NMNAT2: variants seen among roughly 807,000 people sequenced by gnomAD.
NMNAT2 encodes nicotinamide/nicotinic acid mononucleotide adenylyltransferase 2.
A neutral mutation model predicts 41.6 loss-of-function variants in NMNAT2; 11 were observed. That is an observed-to-expected ratio of 0.26 (90% CI 0.17 to 0.44). The LOEUF is 0.44. Among genes scored for constraint, NMNAT2 ranks in the 20% least tolerant of loss-of-function variants. The pLI is 1.00. For synonymous variants in NMNAT2, 148 were observed against 151.2 expected (o/e 0.98, Z 0.16); for missense variants, 288 against 407.7 (o/e 0.71, Z 2.53).
chr1:183,384,246 G>T (rs892676088), intron 1 of NMNAT2, among the ~76,000 whole-genome samples: 2 of 151,994 alleles, frequency 1.3e-5, no homozygotes, highest in African/African-American at 4.8e-5. Context: ...TGTCACCCAG[G>T]ATGGAGAGCA....
intron 1 of NMNAT2, among the ~76,000 whole-genome samples, chr1:183,399,596 G>A (rs1648753213): frequency 6.6e-6 from 1 of 152,144 alleles, no homozygotes; most frequent in Non-Finnish European, 1.5e-5. Context: ...AAGCCTGGCA[G>A]AGACACAATA....
chr1:183,298,657 A>G (rs1483280346), intron 1 of NMNAT2, among the ~76,000 whole-genome samples: 1 of 152,222 alleles, frequency 6.6e-6, no homozygotes, highest in Non-Finnish European at 1.5e-5. Flanking sequence ...GAACACAGGA[A>G]CATATATTTG....
At chr1:183,392,542 T>C (rs1250049184) in intron 1 of NMNAT2, among the ~76,000 whole-genome samples, 2 of 152,224 alleles carry the variant, frequency 1.3e-5, no homozygotes, top group Admixed American at 6.5e-5. Flanking sequence ...AATGGCTCCC[T>C]TTCTCCATTG....
rs542155600 is a variant in NMNAT2, at chr1:183,257,597, C to G, written c.821+3405G>C. ...TCAGGCTATTCCTGATTCAATCTTGCCAGATTATCTTTTTAAAGGAATTTA... is the reference window on the plus strand; with the variant it reads ...TCAGGCTATTCCTGATTCAATCTTGGCAGATTATCTTTTTAAAGGAATTTA... On this transcript the variant is annotated intron_variant, in intron 10 of 10. Transcript: ENST00000287713. 5.5e-4 allele frequency among the ~76,000 whole-genome samples: 83 copies of G among 152,218 alleles called. 1 individual carries two copies. Among genetic ancestry groups the G allele is most frequent in the South Asian group, 3.3e-3 (16 of 4,830 alleles).
chr1:183,258,625 G>T (rs549382436), intron 10 of NMNAT2, among the ~76,000 whole-genome samples: 1 of 152,268 alleles, frequency 6.6e-6, no homozygotes, highest in Admixed American at 6.5e-5. Context: ...TTAGCCACAA[G>T]GTTAGAAATT....
At chr1:183,259,020 A>T (rs890737322) in intron 10 of NMNAT2, among the ~76,000 whole-genome samples, 5 of 152,174 alleles carry the variant, frequency 3.3e-5, no homozygotes, top group African/African-American at 1.2e-4. Context: ...CCCTGTCTTG[A>T]TGAATCTGCT....
intron 1 of NMNAT2, among the ~76,000 whole-genome samples, chr1:183,369,494 G>C (rs774076913): frequency 6.6e-6 from 1 of 151,912 alleles, no homozygotes; most frequent in Admixed American, 6.6e-5. Flanking sequence ...AGCCAGGATG[G>C]TCTCGATCTC....
intron 1 of NMNAT2, among the ~76,000 whole-genome samples, chr1:183,404,265 A>T (rs1281745289): frequency 6.6e-6 from 1 of 151,870 alleles, no homozygotes; most frequent in Non-Finnish European, 1.5e-5. Flanking sequence ...TAATTTTTGT[A>T]TTTTAGTAGA....
intron 7 of NMNAT2, 146 bp downstream of exon 7, chr1:183,283,849 G>T: frequency 1.3e-6 from 1 of 763,580 alleles, no homozygotes; most frequent in Non-Finnish European, 2.3e-6. Flanking sequence ...TGCAATCTTA[G>T]CCTGGGAACG....
chr1:183,418,062 A>G (rs1247320296), intron 1 of NMNAT2, 121 bp downstream of exon 1: 2 of 886,990 alleles, frequency 2.3e-6, no homozygotes, highest in African/African-American at 3.3e-5. Context: ...CACCAGCTGG[A>G]TGAGCCGGCC....
At chr1:183,261,968 C>T (rs1660670629) in intron 8 of NMNAT2, among the ~76,000 whole-genome samples, 2 of 151,924 alleles carry the variant, frequency 1.3e-5, no homozygotes, top group African/African-American at 4.8e-5. Context: ...GTCTGTCACC[C>T]AGGCTGGAGT....
chr1:183,259,519 T>C (rs1660603226), intron 10 of NMNAT2, among the ~76,000 whole-genome samples: 1 of 152,204 alleles, frequency 6.6e-6, no homozygotes. Flanking sequence ...CTTTTAACTT[T>C]CTATTAAATG....
chr1:183,311,543 A>G (rs1662118748), intron 1 of NMNAT2, among the ~76,000 whole-genome samples: 1 of 152,100 alleles, frequency 6.6e-6, no homozygotes, highest in South Asian at 2.1e-4. Flanking sequence ...GTCCCCAGTC[A>G]AGCTCCCTGA....
intron 1 of NMNAT2, among the ~76,000 whole-genome samples, chr1:183,383,203 G>A (rs1052972754): frequency 5.3e-5 from 8 of 152,298 alleles, no homozygotes; most frequent in South Asian, 2.1e-4. Flanking sequence ...TTTTAGCCAC[G>A]GCTGGAGCTA....
At chr1:183,265,359 T>C (rs1168035771) in intron 8 of NMNAT2, among the ~76,000 whole-genome samples, 2 of 142,396 alleles carry the variant, frequency 1.4e-5, no homozygotes, top group Non-Finnish European at 3.0e-5. Context: ...CTCCACCTCC[T>C]GGGTTCAAGT....
intron 1 of NMNAT2, among the ~76,000 whole-genome samples, chr1:183,331,351 G>T (rs547296586): frequency 6.6e-6 from 1 of 152,184 alleles, no homozygotes; most frequent in African/African-American, 2.4e-5. Context: ...ACTGGCTGAC[G>T]GGAGGCGAGG....
chr1:183,280,392 T>C (rs1200829313), intron 7 of NMNAT2, among the ~76,000 whole-genome samples: 1 of 152,156 alleles, frequency 6.6e-6, no homozygotes, highest in Non-Finnish European at 1.5e-5. Flanking sequence ...CTTCCTTTTT[T>C]TTTTCTTTTT....
At chr1:183,351,464 C>G (rs1264832619) in intron 1 of NMNAT2, among the ~76,000 whole-genome samples, 1 of 152,196 alleles carries the variant, frequency 6.6e-6, no homozygotes, top group Non-Finnish European at 1.5e-5. Flanking sequence ...CCTCTGAACC[C>G]TCCTCGCCTG....
At chr1:183,269,651 A>T (rs1558111178) in intron 8 of NMNAT2, among the ~76,000 whole-genome samples, 1 of 152,244 alleles carries the variant, frequency 6.6e-6, no homozygotes, top group Non-Finnish European at 1.5e-5. Flanking sequence ...CATGCACAGT[A>T]CTAGGAGCTT....
Sources: allele counts gnomAD v4.1 joint callset (sites outside exome capture counted in the v4.1 genomes callset), GRCh38; gene constraint gnomAD v4.1.1; transcripts MANE v1.5; gene names NCBI Gene and HGNC (gene_info 2026-07-23, HGNC 2026-07-21).